Variants in RNF150 observed in about 807,000 individuals in gnomAD.
RNF150 encodes the protein ring finger protein 150.
Under a neutral mutation model 39.3 loss-of-function variants are expected in RNF150, and 24 were observed. The ratio of observed to expected loss-of-function variants is 0.61; its 90% CI spans 0.44 to 0.86. The LOEUF (loss-of-function observed/expected upper bound fraction) is 0.86. RNF150 is among the 40% of genes least tolerant of loss of function. The pLI is 0.00. For synonymous variants in RNF150, 255 were observed against 227.3 expected, an observed-to-expected ratio of 1.12 and a Z score of -1.10; for missense variants, 502 against 587.8, an observed-to-expected ratio of 0.85 and a Z score of 1.51.
intron 1 of RNF150, among the ~76,000 whole-genome samples, chr4:141,032,770 A>T (rs946592585): frequency 1.3e-5 from 2 of 152,202 alleles, no homozygotes; most frequent in African/African-American, 4.8e-5. Flanking sequence ...CAAGTCACAC[A>T]AATTTTTTGG....
At position 141,133,031 on chromosome 4, in the gene RNF150, TTTGC is replaced by T. The variant is rs1726948360; in HGVS notation, c.-227_-224del. The T allele has an allele frequency of 4.3e-6, 2 of 463,514 alleles. No individual in the cohort carries two copies. The highest frequency in any genetic ancestry group is 8.5e-5 in the East Asian group (2 of 23,494). The allele number at this position is 463,514 out of a possible 1,614,324, so 28.7% of individuals were successfully genotyped here. A position where few individuals can be genotyped will look rare whatever the true frequency, so the allele number is the denominator to read the frequency against. On this transcript the variant is annotated 5_prime_UTR_variant, in exon 1 of 7. An upstream open reading frame in the 5' UTR gains an earlier in-frame stop. Transcript: ENST00000515673. ...CTCAGCTGTAGCGCGGTGGTTGCATTTTGCTTCTTGGGCGCCCGGGGGGCGCGGG... is the reference window on the plus strand; with the variant it reads ...CTCAGCTGTAGCGCGGTGGTTGCATTTTCTTGGGCGCCCGGGGGGCGCGGG...
intron 6 of RNF150, among the ~76,000 whole-genome samples, chr4:140,878,245 CACT>C (rs1729243314): frequency 0.022 from 4 of 186 alleles, no homozygotes; most frequent in Admixed American, 0.1. Flanking sequence ...TGGCTTACCT[CACT>C]CAACCTTTGC....
chr4:141,088,743 G>A (rs1738463098), intron 1 of RNF150, among the ~76,000 whole-genome samples: 1 of 151,496 alleles, frequency 6.6e-6, no homozygotes, highest in African/African-American at 2.4e-5. Context: ...GGGGAGGAAG[G>A]TAGAACGGGG....
intron 1 of RNF150, among the ~76,000 whole-genome samples, chr4:141,057,034 CCTCT>C (rs1297756099): frequency 6.6e-6 from 1 of 152,004 alleles, no homozygotes; most frequent in African/African-American, 2.4e-5. Flanking sequence ...AATTATTTAA[CCTCT>C]CTGTGTTTTG....
intron 1 of RNF150, among the ~76,000 whole-genome samples, chr4:141,110,555 A>G (rs1739353731): frequency 7.1e-6 from 1 of 141,492 alleles, no homozygotes; most frequent in South Asian, 2.1e-4. Context: ...TTGGGACTAC[A>G]GGTCCATGCC....
At chr4:140,910,704 AGT>A (rs971137973) in intron 6 of RNF150, among the ~76,000 whole-genome samples, 16 of 35,184 alleles carry the variant, frequency 4.5e-4, no homozygotes, top group Non-Finnish European at 1.2e-3. Context: ...TCGGGGCTCC[AGT>A]GTGTGTGTGT....
At chr4:141,140,596 T>A (rs1049831405) in intron 1 of RNF150, among the ~76,000 whole-genome samples, 2 of 152,230 alleles carry the variant, frequency 1.3e-5, no homozygotes, top group Non-Finnish European at 2.9e-5. Flanking sequence ...CTTTTCTTTT[T>A]CTGCTCTTTG....
intron 1 of RNF150, among the ~76,000 whole-genome samples, chr4:141,014,381 T>C (rs2321735): frequency 0.51 from 77,623 of 152,042 alleles, 22,069 homozygotes; most frequent in Admixed American, 0.64. Context: ...CCGAGTCACA[T>C]AGTGGTTATA....
At chr4:140,880,946 C>T (rs1268308905) in intron 6 of RNF150, among the ~76,000 whole-genome samples, 2 of 151,990 alleles carry the variant, frequency 1.3e-5, no homozygotes, top group Non-Finnish European at 2.9e-5. Context: ...TTTGGTTGAT[C>T]CTTTCAAAAC....
intron 2 of RNF150, among the ~76,000 whole-genome samples, chr4:140,952,328 TA>T (rs935846536): frequency 2.0e-5 from 3 of 152,196 alleles, no homozygotes. Context: ...CCAACATTTT[TA>T]AAAAGCAGGT....
chr4:141,185,764 CT>C (rs1727996897), intron 1 of RNF150, among the ~76,000 whole-genome samples: 2 of 152,144 alleles, frequency 1.3e-5, no homozygotes, highest in South Asian at 4.2e-4. Flanking sequence ...TATCGAAAGC[CT>C]TTTCTGCATC....
At chr4:141,020,588 G>A (rs1442839724) in intron 1 of RNF150, among the ~76,000 whole-genome samples, 1 of 152,102 alleles carries the variant, frequency 6.6e-6, no homozygotes, top group East Asian at 1.9e-4. Context: ...CTACTGCCTA[G>A]AGGACCTAAA....
intron 4 of RNF150, among the ~76,000 whole-genome samples, chr4:140,941,214 C>T (rs973645296): frequency 2.6e-5 from 4 of 152,080 alleles, no homozygotes; most frequent in African/African-American, 9.7e-5. Context: ...TGAGTATCTA[C>T]AATATAAAAA....
intron 4 of RNF150, among the ~76,000 whole-genome samples, chr4:140,931,341 A>G (rs553465331): frequency 6.6e-6 from 1 of 152,314 alleles, no homozygotes; most frequent in South Asian, 2.1e-4. Context: ...AATGCCACAC[A>G]GGGCAGTCAG....
intron 1 of RNF150, among the ~76,000 whole-genome samples, chr4:141,100,415 T>A (rs574521178): frequency 6.6e-6 from 1 of 152,186 alleles, no homozygotes; most frequent in Non-Finnish European, 1.5e-5. Flanking sequence ...TTCTACCACA[T>A]CCAAGTGACA....
intron 1 of RNF150, among the ~76,000 whole-genome samples, chr4:141,022,274 G>T (rs1735525234): frequency 6.6e-6 from 1 of 151,948 alleles, no homozygotes; most frequent in Admixed American, 6.6e-5. Context: ...GGAAGCCTCA[G>T]ATCTGTCAGC....
At chr4:140,882,178 C>T (rs956034668) in intron 6 of RNF150, among the ~76,000 whole-genome samples, 1 of 152,064 alleles carries the variant, frequency 6.6e-6, no homozygotes, top group African/African-American at 2.4e-5. Flanking sequence ...CGCCACTACG[C>T]CCGGCTAATT....
chr4:141,145,939 C>T (rs1410740638), intron 1 of RNF150, among the ~76,000 whole-genome samples: 1 of 152,166 alleles, frequency 6.6e-6, no homozygotes, highest in African/African-American at 2.4e-5. Flanking sequence ...AACACGGCTG[C>T]CTCAGTGTGT....
Position 141,132,201 on chromosome 4 carries a change from G to T in RNF150, c.484+124C>A. The T allele has an allele frequency of 1.0e-6, 1 of 997,982 alleles. No homozygotes were observed. The highest frequency in any genetic ancestry group is 1.5e-6 in the Non-Finnish European group (1 of 676,842). 61.8% of individuals were successfully genotyped at this position (997,982 alleles called of 1,614,324 possible). On this transcript the variant is annotated intron_variant, in intron 1 of 6. Coordinates refer to ENST00000515673, the MANE Select transcript of RNF150 (RefSeq NM_020724.2). The surrounding 1 kb of genome is among the most constrained non-coding windows in gnomAD (Gnocchi z 4.9). ...CGGAGCAAAACTTAATCGGTCCAGG[G>T]AACCCAGACACGTCTTCCGCGCCGC...
Sources: allele counts gnomAD v4.1 joint callset (sites outside exome capture counted in the v4.1 genomes callset), GRCh38; gene constraint gnomAD v4.1.1; non-coding constraint Gnocchi (gnomAD v3.1); transcripts MANE v1.5; gene names NCBI Gene and HGNC (gene_info 2026-07-23, HGNC 2026-07-21).